Variants in KIAA1328 observed in about 807,000 individuals in gnomAD.
KIAA1328 encodes the protein KIAA1328.
KIAA1328 carries 52 observed loss-of-function variants against 68.1 expected under a neutral mutation model. That is an observed-to-expected ratio of 0.76 (90% confidence interval 0.61 to 0.96). KIAA1328 has a LOEUF of 0.96. KIAA1328 is among the 40% of genes least tolerant of loss of function. The pLI, the probability that KIAA1328 is intolerant of heterozygous loss-of-function variation, is 0.00. For missense variants in KIAA1328, 641 were observed against 677.6 expected (o/e 0.95, Z 0.60); for synonymous variants, 232 against 239.4 (o/e 0.97, Z 0.28).
chr18:37,174,380 C>CTTTTT (rs757197220), intron 9 of KIAA1328, among the ~76,000 whole-genome samples: 4 of 120,620 alleles, frequency 3.3e-5, no homozygotes, highest in Admixed American at 9.4e-5. Context: ...TGCTTTCTTC[C>CTTTTT]TTTTTTTTTT....
chr18:36,834,645 C>T (rs2046611927), intron 2 of KIAA1328, among the ~76,000 whole-genome samples: 1 of 151,960 alleles, frequency 6.6e-6, no homozygotes, highest in South Asian at 2.1e-4. Flanking sequence ...AAATGATAGC[C>T]AAATTTAATA....
At chr18:37,158,212 T>G (rs1009771819) in intron 7 of KIAA1328, among the ~76,000 whole-genome samples, 1 of 152,136 alleles carries the variant, frequency 6.6e-6, no homozygotes, top group African/African-American at 2.4e-5. Flanking sequence ...TAAAACAATT[T>G]TTTTTCTTTA....
chr18:36,846,818 G>C (rs2150820978), intron 4 of KIAA1328, among the ~76,000 whole-genome samples: 1 of 151,526 alleles, frequency 6.6e-6, no homozygotes, highest in South Asian at 2.1e-4. Context: ...CCATTTTTAA[G>C]TGTACAGTTC....
At chr18:37,157,637 C>G (rs998156556) in intron 7 of KIAA1328, among the ~76,000 whole-genome samples, 1 of 151,506 alleles carries the variant, frequency 6.6e-6, no homozygotes, top group Admixed American at 6.6e-5. Flanking sequence ...TAGTGAAACC[C>G]CATCTCTACT....
chr18:37,104,699 T>C (rs1355499567), intron 7 of KIAA1328, among the ~76,000 whole-genome samples: 1 of 152,084 alleles, frequency 6.6e-6, no homozygotes, highest in Non-Finnish European at 1.5e-5. Flanking sequence ...ATATCCTAAA[T>C]ACCCTGATTC....
At chr18:36,916,207 T>TTA (rs35995627) in intron 5 of KIAA1328, among the ~76,000 whole-genome samples, 88,893 of 151,422 alleles carry the variant, frequency 0.59, 28,165 homozygotes, top group East Asian at 0.87. Flanking sequence ...GGATTCCAAT[T>TTA]TATATATATA....
At chr18:37,146,561 A>G (rs1338377014) in intron 7 of KIAA1328, among the ~76,000 whole-genome samples, 1 of 152,178 alleles carries the variant, frequency 6.6e-6, no homozygotes, top group African/African-American at 2.4e-5. Context: ...ATGTGTCTTT[A>G]TGGTAGAATG....
chr18:36,948,085 C>T (rs1407212285), intron 5 of KIAA1328, among the ~76,000 whole-genome samples: 1 of 152,016 alleles, frequency 6.6e-6, no homozygotes, highest in Non-Finnish European at 1.5e-5. Context: ...GAGCGGCCTT[C>T]ATTCAGTCAG....
At chr18:37,038,541 T>A (rs115271833) in intron 6 of KIAA1328, among the ~76,000 whole-genome samples, 1,954 of 152,244 alleles carry the variant, frequency 0.013, 41 homozygotes, top group African/African-American at 0.045. Context: ...ATATAATTGA[T>A]GTTTGTGTAA....
chr18:37,203,307 C>A (rs2060149347), intron 9 of KIAA1328, among the ~76,000 whole-genome samples: 1 of 151,872 alleles, frequency 6.6e-6, no homozygotes, highest in Non-Finnish European at 1.5e-5. Flanking sequence ...ATTTTATAAA[C>A]TTTTATAGTT....
At chr18:37,169,160 A>ATTTT (rs1599493078) in intron 8 of KIAA1328, among the ~76,000 whole-genome samples, 1 of 149,728 alleles carries the variant, frequency 6.7e-6, no homozygotes, top group African/African-American at 2.4e-5. Context: ...TTATTTATTT[A>ATTTT]TTTATTTATA....
At chr18:37,175,240 T>C (rs1599510910) in intron 9 of KIAA1328, among the ~76,000 whole-genome samples, 4 of 152,162 alleles carry the variant, frequency 2.6e-5, no homozygotes, top group Admixed American at 2.0e-4. Context: ...CACTTTAATA[T>C]ATTGTTTTTG....
intron 4 of KIAA1328, among the ~76,000 whole-genome samples, 165 bp from the exon 5 acceptor site, chr18:36,885,392 T>G (rs2048462676): frequency 2.0e-5 from 3 of 152,186 alleles, no homozygotes; most frequent in African/African-American, 7.2e-5. Context: ...AAAGATTGCC[T>G]TATGAGAGAT....
chr18:36,932,342 C>T (rs544828010), intron 5 of KIAA1328, among the ~76,000 whole-genome samples: 26 of 152,272 alleles, frequency 1.7e-4, no homozygotes, highest in African/African-American at 6.0e-4. Context: ...GCCTCAGCCC[C>T]ACAAGTTGCT....
At chr18:36,929,358 C>T (rs2050232115) in intron 5 of KIAA1328, among the ~76,000 whole-genome samples, 1 of 152,192 alleles carries the variant, frequency 6.6e-6, no homozygotes, top group African/African-American at 2.4e-5. Flanking sequence ...TCTCTTCTAT[C>T]AGGTAGGCAT....
chr18:36,965,460 A>G (rs1023686909), intron 6 of KIAA1328, among the ~76,000 whole-genome samples: 4 of 149,918 alleles, frequency 2.7e-5, no homozygotes, highest in East Asian at 2.0e-4. Context: ...CCTGGTCAAC[A>G]TGATGAAACC....
intron 6 of KIAA1328, among the ~76,000 whole-genome samples, chr18:37,036,832 A>G (rs1389816885): frequency 6.6e-6 from 1 of 152,190 alleles, no homozygotes; most frequent in Non-Finnish European, 1.5e-5. Flanking sequence ...AATTTAGTCT[A>G]GATTAAAGAA....
chr18:36,841,409 G>T (rs1363064020), intron 3 of KIAA1328, among the ~76,000 whole-genome samples: 1 of 151,294 alleles, frequency 6.6e-6, no homozygotes, highest in African/African-American at 2.4e-5. Context: ...TCAATAGACT[G>T]TCAGTATTGG....
At chr18:36,864,304 GTT>G (rs201692806) in intron 4 of KIAA1328, among the ~76,000 whole-genome samples, 10 of 138,938 alleles carry the variant, frequency 7.2e-5, no homozygotes, top group East Asian at 2.1e-4. Flanking sequence ...TGTTATAATT[GTT>G]TTTTTTTTTT....
Sources: allele counts gnomAD v4.1 joint callset (sites outside exome capture counted in the v4.1 genomes callset), GRCh38; gene constraint gnomAD v4.1.1; transcripts MANE v1.5; gene names NCBI Gene and HGNC (gene_info 2026-07-23, HGNC 2026-07-21).